Variants in TBC1D1 observed in about 807,000 individuals in gnomAD.
TBC1D1 encodes the protein TBC1 domain family member 1, also known as TBC1 (tre-2/USP6, BUB2, cdc16) domain family, member 1.
Under a neutral mutation model 125.6 loss-of-function variants are expected in TBC1D1, and 89 were observed. The observed-to-expected ratio is 0.71, with a 90% CI of 0.60 to 0.85. TBC1D1 has a LOEUF of 0.85. TBC1D1 is among the 40% of genes least tolerant of loss of function. The pLI is 0.00. For synonymous variants in TBC1D1, 565 were observed against 564.1 expected (o/e 1.00, Z -0.02); for missense variants, 1,377 against 1,469.2 (o/e 0.94, Z 1.03).
At chr4:38,007,365 G>A (rs968027539) in intron 2 of TBC1D1, among the ~76,000 whole-genome samples, 1 of 152,070 alleles carries the variant, frequency 6.6e-6, no homozygotes, top group African/African-American at 2.4e-5. Flanking sequence ...CAGTTCTCCT[G>A]TCTCAGCCTC....
Position 38,054,316 on chromosome 4 carries a change from C to T in TBC1D1, c.2028C>T (p.Cys676=), listed in dbSNP as rs756406948. The change falls in exon 12 of 20, where the codon TGC becomes TGT. Residue 676 remains cysteine, a synonymous_variant. Coordinates refer to ENST00000261439, the MANE Select transcript of TBC1D1 (RefSeq NM_015173.4). ...GAGTAGCCACCCCGCAGAAGGCGTG[C>T]GATTCTTCCAGCAGATATGAAGGTA... The T allele has an allele frequency of 5.0e-6, 8 of 1,614,092 alleles. No homozygotes were observed. Among genetic ancestry groups the T allele is most frequent in the South Asian group, 3.3e-5 (3 of 91,074 alleles).
Position 38,126,955 on chromosome 4 carries a change from T to C in TBC1D1, c.3132+1824T>C, listed in dbSNP as rs1053996476. Among the ~76,000 whole-genome samples the C allele has an allele frequency of 3.3e-5, 5 of 152,290 alleles. No individual in the cohort carries two copies. In the East Asian group the frequency reaches 9.7e-4, roughly 29 times the overall value. Reference sequence around the variant, plus strand: ...TCTAATACTGACTTCTCCACCCTTTTGATTCTTTGATTTCTGGCATTTTCA... The same window carrying C: ...TCTAATACTGACTTCTCCACCCTTTCGATTCTTTGATTTCTGGCATTTTCA... On this transcript the variant is annotated intron_variant, in intron 18 of 19. Transcript: ENST00000261439.
intron 8 of TBC1D1, among the ~76,000 whole-genome samples, chr4:38,037,466 C>T (rs1434186035): frequency 1.3e-5 from 2 of 152,032 alleles, no homozygotes; most frequent in East Asian, 1.9e-4. Flanking sequence ...GCTGGACACT[C>T]TCATGGGCTC....
chr4:37,967,366 G>A (rs1010880914), intron 2 of TBC1D1, among the ~76,000 whole-genome samples: 4 of 152,072 alleles, frequency 2.6e-5, no homozygotes, highest in African/African-American at 9.6e-5. Flanking sequence ...GCAGTGGCGT[G>A]TGCCTGTAAT....
chr4:37,945,778 TTC>T (rs1469080720), intron 2 of TBC1D1, among the ~76,000 whole-genome samples: 1 of 152,170 alleles, frequency 6.6e-6, no homozygotes, highest in East Asian at 1.9e-4. Flanking sequence ...CTGGTAGCAG[TTC>T]TGTTTTACAT....
At position 38,021,711 on chromosome 4, in the gene TBC1D1, G is replaced by T; in HGVS notation, c.1203G>T (p.Arg401Ser). ...AAAGCCTGCACAAGCTCTGTGAGAG[G>T]ATAGAGGGTGAGTAGGGGACCCTTT... The change falls in exon 6 of 20, where the codon AGG (arginine) becomes AGT (serine). Residue 401 changes from arginine to serine, a missense_variant. Arg to Ser is a moderately radical substitution (Grantham distance 110, BLOSUM62 -1). Coordinates refer to ENST00000261439, the MANE Select transcript of TBC1D1 (RefSeq NM_015173.4). The T allele has an allele frequency of 6.4e-7, 1 of 1,571,130 alleles. No homozygotes were observed. Among genetic ancestry groups the T allele is most frequent in the Non-Finnish European group, 8.6e-7 (1 of 1,160,240 alleles).
intron 13 of TBC1D1, among the ~76,000 whole-genome samples, chr4:38,091,810 C>T (rs1758475199): frequency 6.6e-6 from 1 of 152,202 alleles, no homozygotes; most frequent in Non-Finnish European, 1.5e-5. Flanking sequence ...ACCTGGAACC[C>T]CTTGCCAGGT....
intron 2 of TBC1D1, among the ~76,000 whole-genome samples, chr4:38,004,843 T>C (rs906871514): frequency 2.6e-5 from 4 of 152,268 alleles, no homozygotes; most frequent in African/African-American, 9.6e-5. Flanking sequence ...AAAGAGTACA[T>C]TTTGTAGCTG....
chr4:38,076,228 G>T (rs180739693), intron 12 of TBC1D1, among the ~76,000 whole-genome samples: 43 of 152,248 alleles, frequency 2.8e-4, no homozygotes, highest in African/African-American at 8.2e-4. Flanking sequence ...CGAGCAAAAG[G>T]GGGGAAAGCC....
intron 2 of TBC1D1, among the ~76,000 whole-genome samples, chr4:37,996,464 TAAAG>T (rs961395329): frequency 3.2e-4 from 48 of 152,292 alleles, no homozygotes; most frequent in African/African-American, 1.1e-3. Context: ...TGATCAAAGT[TAAAG>T]AAAGGGAGTG....
chr4:38,129,292 C>T (rs1765181531), intron 18 of TBC1D1, among the ~76,000 whole-genome samples: 1 of 152,120 alleles, frequency 6.6e-6, no homozygotes, highest in African/African-American at 2.4e-5. Context: ...GCCTCTTCTG[C>T]CTGTGGGGGA....
chr4:37,969,343 T>A (rs893207900), intron 2 of TBC1D1, among the ~76,000 whole-genome samples: 1 of 152,238 alleles, frequency 6.6e-6, no homozygotes, highest in Non-Finnish European at 1.5e-5. Flanking sequence ...TTTATCTGTG[T>A]TTTTGTTTGT....
At chr4:38,106,233 C>T (rs939958851) in intron 15 of TBC1D1, among the ~76,000 whole-genome samples, 1 of 152,318 alleles carries the variant, frequency 6.6e-6, no homozygotes, top group Non-Finnish European at 1.5e-5. Context: ...GCCCTCACAA[C>T]AGCCCTGGGA....
chr4:38,088,307 A>C (rs913469020), intron 12 of TBC1D1, among the ~76,000 whole-genome samples: 2 of 152,348 alleles, frequency 1.3e-5, no homozygotes, highest in Admixed American at 1.3e-4. Flanking sequence ...AGTGTTTTGC[A>C]GGAAAATATT....
At chr4:38,016,740 G>A (rs1242363758) in intron 3 of TBC1D1, among the ~76,000 whole-genome samples, 5 of 152,228 alleles carry the variant, frequency 3.3e-5, no homozygotes, top group African/African-American at 1.2e-4. Flanking sequence ...AGGATGGTGC[G>A]TAGAGATGGG....
chr4:37,921,345 A>C (rs1720944265), intron 2 of TBC1D1, among the ~76,000 whole-genome samples: 2 of 150,888 alleles, frequency 1.3e-5, no homozygotes, highest in African/African-American at 4.9e-5. Context: ...GGAAAAAAAA[A>C]CATAAACATA....
intron 12 of TBC1D1, among the ~76,000 whole-genome samples, chr4:38,058,500 A>G (rs997600503): frequency 3.9e-5 from 6 of 152,256 alleles, no homozygotes; most frequent in Admixed American, 2.0e-4. Context: ...GACTCACTGC[A>G]TTCCCACTCT....
chr4:38,124,858 A>G (rs962931236), intron 17 of TBC1D1, 104 bp from the exon 20 acceptor site: 11 of 911,052 alleles, frequency 1.2e-5, no homozygotes, highest in African/African-American at 6.6e-5. Flanking sequence ...ATGTGGGGCT[A>G]TGTCTCCCAC....
At position 37,924,758 on chromosome 4, in the gene TBC1D1, C is replaced by G. The variant is rs915605268; in HGVS notation, c.417+22246C>G. ...CCTTGCATGTATATGCCACATTTTG[C>G]TTATCCATGTATCTGTCGATGGACA... On this transcript the variant is annotated intron_variant, in intron 2 of 19. Transcript: ENST00000261439. Among the ~76,000 whole-genome samples, 2 of 152,278 alleles carry G rather than the reference C, an allele frequency of 1.3e-5. 1 individual carries two copies. Among genetic ancestry groups the G allele is most frequent in the East Asian group, 3.9e-4 (2 of 5,188 alleles).
Sources: gnomAD v4.1 joint callset for allele counts (sites outside exome capture counted in the v4.1 genomes callset) on GRCh38, gnomAD v4.1.1 for gene constraint, MANE v1.5 for transcripts, NCBI Gene and HGNC (gene_info 2026-07-23, HGNC 2026-07-21) for gene names.